The following SLC35F4 variants were observed in gnomAD, a reference collection of about 807,000 sequenced individuals.
SLC35F4 encodes the protein solute carrier family 35 member F4.
Under a neutral mutation model 44.2 loss-of-function variants are expected in SLC35F4, and 24 were observed. That is an observed-to-expected ratio of 0.54 (90% CI 0.39 to 0.76). SLC35F4 has a LOEUF of 0.76. Ranked by LOEUF, SLC35F4 falls within the 30% of genes least tolerant of loss-of-function variation. The pLI is 0.00. For missense variants in SLC35F4, 562 were observed against 586.1 expected (o/e 0.96, Z 0.42); for synonymous variants, 238 against 223.6 (o/e 1.06, Z -0.57).
chr14:57,708,094 T>A (rs114396897), intron 1 of SLC35F4, among the ~76,000 whole-genome samples: 154 of 152,330 alleles, frequency 1.0e-3, no homozygotes, highest in African/African-American at 3.6e-3. Context: ...CTCCCCCACT[T>A]GCTCCTGGGG....
At chr14:57,969,616 A>C (rs1477895685) in intron 1 of SLC35F4, among the ~76,000 whole-genome samples, 2 of 152,152 alleles carry the variant, frequency 1.3e-5, no homozygotes, top group African/African-American at 2.4e-5. Flanking sequence ...ATATTTGGCA[A>C]ACATTCTTCT....
intron 1 of SLC35F4, among the ~76,000 whole-genome samples, chr14:57,774,762 C>T (rs1288836025): frequency 2.0e-5 from 3 of 152,216 alleles, no homozygotes; most frequent in Non-Finnish European, 4.4e-5. Flanking sequence ...CTGCTCCCTC[C>T]TCCATTGCAG....
intron 1 of SLC35F4, among the ~76,000 whole-genome samples, chr14:57,777,854 G>A (rs938452426): frequency 6.6e-6 from 1 of 152,094 alleles, no homozygotes; most frequent in Non-Finnish European, 1.5e-5. Context: ...CCATCTTCCA[G>A]AGACCCATCT....
intron 1 of SLC35F4, among the ~76,000 whole-genome samples, chr14:57,862,942 A>G (rs576720535): frequency 6.6e-5 from 10 of 152,370 alleles, no homozygotes; most frequent in Non-Finnish European, 1.5e-4. Flanking sequence ...CTCCTGACAC[A>G]TAGGAGGTGC....
chr14:57,628,068 T>G (rs1020377548), intron 1 of SLC35F4, among the ~76,000 whole-genome samples: 1 of 152,190 alleles, frequency 6.6e-6, no homozygotes, highest in Non-Finnish European at 1.5e-5. Flanking sequence ...TATAGAATTC[T>G]TTCTTTATAT....
At chr14:57,586,138 C>G (rs140040259) in intron 3 of SLC35F4, among the ~76,000 whole-genome samples, 2,678 of 152,194 alleles carry the variant, frequency 0.018, 75 homozygotes, top group African/African-American at 0.061. Context: ...AGATATAGAC[C>G]AATGGAACAG....
At chr14:57,873,621 GA>G (rs1325537962) in intron 1 of SLC35F4, among the ~76,000 whole-genome samples, 2 of 152,068 alleles carry the variant, frequency 1.3e-5, no homozygotes, top group Non-Finnish European at 2.9e-5. Context: ...AATGCAGGGG[GA>G]AAATAGTTAA....
chr14:57,618,249 A>G (rs573764481), intron 1 of SLC35F4, among the ~76,000 whole-genome samples: 41 of 152,340 alleles, frequency 2.7e-4, no homozygotes, highest in African/African-American at 9.9e-4. Flanking sequence ...TACTGGCAAG[A>G]TGGCCAAATA....
At chr14:57,613,623 A>G (rs2071636343) in intron 1 of SLC35F4, among the ~76,000 whole-genome samples, 3 of 152,178 alleles carry the variant, frequency 2.0e-5, no homozygotes, top group Non-Finnish European at 2.9e-5. Flanking sequence ...ACAAATTTCT[A>G]TTTTTCCCAG....
At position 57,594,259 on chromosome 14, in the gene SLC35F4, G is replaced by A. The variant is rs1348402424; in HGVS notation, c.104-135C>T. On this transcript the variant is annotated intron_variant, in intron 1 of 7. Coordinates refer to ENST00000556826, the MANE Select transcript of SLC35F4 (RefSeq NM_001306087.2). ...GGCTAGAGTGCAGTGGTGTGATCTCGAGTCACTGCAGCCTCTGCCTCCCAG... is the reference window on the plus strand; with the variant it reads ...GGCTAGAGTGCAGTGGTGTGATCTCAAGTCACTGCAGCCTCTGCCTCCCAG... 1.1e-5 allele frequency: 9 copies of A among 843,942 alleles called. No individual in the cohort carries two copies. The Admixed American group carries it at 1.2e-4, about 11-fold the overall frequency. 52.3% of individuals were successfully genotyped at this position (843,942 alleles called of 1,614,324 possible). A position where few individuals can be genotyped will look rare whatever the true frequency, so the allele number is the denominator to read the frequency against.
At chr14:57,575,376 G>C (rs558818967) in intron 4 of SLC35F4, among the ~76,000 whole-genome samples, 13 of 152,200 alleles carry the variant, frequency 8.5e-5, no homozygotes, top group Non-Finnish European at 1.3e-4. Context: ...GGCTACTCGG[G>C]AGGTTGAGGC....
intron 1 of SLC35F4, among the ~76,000 whole-genome samples, chr14:57,651,177 G>A (rs973758086): frequency 2.4e-4 from 37 of 152,082 alleles, no homozygotes; most frequent in Non-Finnish European, 3.8e-4. Flanking sequence ...ACTAGATTGG[G>A]ACCTAACACA....
chr14:57,860,513 T>C (rs1887590471), intron 1 of SLC35F4, among the ~76,000 whole-genome samples: 1 of 152,176 alleles, frequency 6.6e-6, no homozygotes, highest in South Asian at 2.1e-4. Context: ...AGAAAATCCA[T>C]GTCCACCAAG....
At chr14:57,577,253 C>A (rs1444336709) in intron 4 of SLC35F4, among the ~76,000 whole-genome samples, 2 of 152,132 alleles carry the variant, frequency 1.3e-5, no homozygotes, top group African/African-American at 2.4e-5. Context: ...ATATGCTATA[C>A]CATGAAAGAT....
At chr14:57,586,749 A>T (rs1215551092) in intron 3 of SLC35F4, among the ~76,000 whole-genome samples, 1 of 138,496 alleles carries the variant, frequency 7.2e-6, no homozygotes, top group African/African-American at 2.9e-5. Context: ...AAAAAAAAAG[A>T]CTTCATGACT....
intron 1 of SLC35F4, among the ~76,000 whole-genome samples, chr14:57,750,905 T>C (rs1594957883): frequency 1.3e-5 from 2 of 152,182 alleles, no homozygotes; most frequent in South Asian, 4.1e-4. Context: ...TGATGGCTGG[T>C]CTTTCCTTTG....
chr14:57,860,702 T>A (rs1039419910), intron 1 of SLC35F4, among the ~76,000 whole-genome samples: 3 of 152,206 alleles, frequency 2.0e-5, no homozygotes, highest in Admixed American at 1.3e-4. Flanking sequence ...AATGAATTTA[T>A]CCTTTCATTT....
chr14:57,588,903 G>C (rs2069971675), intron 3 of SLC35F4, among the ~76,000 whole-genome samples: 1 of 152,016 alleles, frequency 6.6e-6, no homozygotes, highest in Admixed American at 6.6e-5. Flanking sequence ...GTATAACATT[G>C]AATGAGTCAT....
upstream of SLC35F4, among the ~76,000 whole-genome samples, chr14:57,866,939 G>T (rs1888178468): frequency 6.8e-6 from 1 of 146,494 alleles, no homozygotes; most frequent in Non-Finnish European, 1.5e-5. Context: ...TTCATAGTCT[G>T]CAGACACAGC....
Sources: gnomAD v4.1 joint callset for allele counts (sites outside exome capture counted in the v4.1 genomes callset) on GRCh38, gnomAD v4.1.1 for gene constraint, MANE v1.5 for transcripts, NCBI Gene and HGNC (gene_info 2026-07-23, HGNC 2026-07-21) for gene names.